NARS2: variants seen among roughly 807,000 people sequenced by gnomAD.
NARS2 encodes asparaginyl-tRNA synthetase 2, mitochondrial.
A neutral mutation model predicts 62.9 loss-of-function variants in NARS2; 60 were observed. The observed-to-expected ratio is 0.95, with a 90% CI of 0.77 to 1.18. NARS2 has a LOEUF of 1.18. Ranked by LOEUF, NARS2 falls within the 50% of genes most tolerant of loss-of-function variation. NARS2 has a pLI of 0.00. For synonymous variants in NARS2, 196 were observed against 200.0 expected (o/e 0.98, Z 0.17); for missense variants, 619 against 576.4 (o/e 1.07, Z -0.76).
intron 5 of NARS2, among the ~76,000 whole-genome samples, chr11:78,532,850 T>G (rs1005223949): frequency 1.3e-5 from 2 of 152,236 alleles, no homozygotes; most frequent in African/African-American, 4.8e-5. Context: ...CCAATCAAAC[T>G]GCTGTAACTC....
intron 9 of NARS2, among the ~76,000 whole-genome samples, chr11:78,477,195 TC>T (rs2135259418): frequency 6.6e-6 from 1 of 152,322 alleles, no homozygotes; most frequent in African/African-American, 2.4e-5. Flanking sequence ...ATTACTTCTT[TC>T]TTCATCTACT....
chr11:78,503,272 C>A (rs1860355307), intron 6 of NARS2, among the ~76,000 whole-genome samples: 1 of 152,182 alleles, frequency 6.6e-6, no homozygotes, highest in South Asian at 2.1e-4. Flanking sequence ...ACACTGAGCT[C>A]CTTCACCCAG....
Position 78,568,727 on chromosome 11 carries a change from C to T in NARS2, c.277G>A (p.Glu93Lys), listed in dbSNP as rs1446210809. ...CTTTTTATCAGCTGCCCTTGTACTT[C>T]CACAGAACTCCCAAAATTTAATTCT... ...SRELNFGSSVEVQGQLIKSPS... is the reference protein window; with the variant it reads ...SRELNFGSSVKVQGQLIKSPS... Residue 93 changes from glutamate to lysine, a missense_variant, in exon 3 of 14, where the codon GAA (glutamate) becomes AAA (lysine). Coordinates refer to ENST00000281038, the MANE Select transcript of NARS2 (RefSeq NM_024678.6). 1.9e-6 allele frequency: 3 copies of T among 1,609,134 alleles called. No individual in the cohort carries two copies. Among genetic ancestry groups the T allele is most frequent in the Non-Finnish European group, 2.5e-6 (3 of 1,176,632 alleles).
intron 12 of NARS2, 89 bp from the exon 13 acceptor site, chr11:78,441,206 C>A (rs1857568317): frequency 8.2e-7 from 1 of 1,215,010 alleles, no homozygotes; most frequent in African/African-American, 1.5e-5. Context: ...GTGCAAAGAA[C>A]TCTTTATGAA....
At chr11:78,446,544 A>T (rs903395185) in intron 11 of NARS2, among the ~76,000 whole-genome samples, 3 of 152,214 alleles carry the variant, frequency 2.0e-5, no homozygotes, top group Non-Finnish European at 4.4e-5. Context: ...TTCAATCCAG[A>T]GTGTTAAATT....
intron 6 of NARS2, among the ~76,000 whole-genome samples, chr11:78,524,674 C>T (rs938892921): frequency 1.3e-5 from 2 of 151,808 alleles, no homozygotes. Context: ...ACTCACTTAG[C>T]TTTCTCTAGT....
intron 6 of NARS2, among the ~76,000 whole-genome samples, chr11:78,524,412 A>T (rs563353737): frequency 7.8e-4 from 119 of 152,258 alleles, no homozygotes; most frequent in African/African-American, 2.8e-3. Context: ...AGAGAAAAGC[A>T]TCAGTTTTAA....
intron 6 of NARS2, among the ~76,000 whole-genome samples, chr11:78,516,528 T>C (rs555232452): frequency 6.6e-6 from 1 of 152,350 alleles, no homozygotes; most frequent in African/African-American, 2.4e-5. Flanking sequence ...TCTCGTTTAA[T>C]GCTCATCTTG....
chr11:78,563,851 A>AAT (rs1335259135), intron 4 of NARS2, among the ~76,000 whole-genome samples: 1,433 of 33,916 alleles, frequency 0.042, 75 homozygotes, highest in African/African-American at 0.062. Flanking sequence ...AAAAAAAAAA[A>AAT]ATATATATAT....
At chr11:78,552,281 T>G (rs1393743328) in intron 5 of NARS2, among the ~76,000 whole-genome samples, 2 of 152,250 alleles carry the variant, frequency 1.3e-5, no homozygotes, top group Non-Finnish European at 2.9e-5. Flanking sequence ...TTGCTAAGGA[T>G]GATAGCCTCC....
chr11:78,573,671 T>C (rs1362794372), intron 1 of NARS2: 39 of 152,308 alleles, frequency 2.6e-4, no homozygotes, highest in Admixed American at 2.6e-3. Flanking sequence ...GCAGCTAACA[T>C]TTGTAGACTA....
chr11:78,468,549 C>A (rs1489838370), intron 10 of NARS2, among the ~76,000 whole-genome samples: 1 of 150,746 alleles, frequency 6.6e-6, no homozygotes, highest in Non-Finnish European at 1.5e-5. Flanking sequence ...GGACTACAGG[C>A]GCCCGCCACC....
chr11:78,443,506 TAAAC>T (rs1390090833), intron 12 of NARS2, 151 bp downstream of exon 12: 10 of 461,432 alleles, frequency 2.2e-5, no homozygotes, highest in Non-Finnish European at 3.9e-5. Context: ...AGCTCAGAGA[TAAAC>T]TAACAACTTG....
At chr11:78,496,807 G>A (rs1263866387) in intron 6 of NARS2, among the ~76,000 whole-genome samples, 4 of 152,084 alleles carry the variant, frequency 2.6e-5, no homozygotes, top group Non-Finnish European at 5.9e-5. Flanking sequence ...ATCCTTATAG[G>A]AGTAGGGGTT....
At chr11:78,572,851 ATT>A (rs2135550667) in intron 1 of NARS2, among the ~76,000 whole-genome samples, 1 of 152,344 alleles carries the variant, frequency 6.6e-6, no homozygotes, top group African/African-American at 2.4e-5. Context: ...GATATTTTGC[ATT>A]CTTTTTGGTT....
At chr11:78,539,739 A>C (rs759574431) in intron 5 of NARS2, among the ~76,000 whole-genome samples, 5 of 152,186 alleles carry the variant, frequency 3.3e-5, no homozygotes, top group African/African-American at 4.8e-5. Flanking sequence ...ATACTTCAGG[A>C]GTCTGTAGAG....
intron 5 of NARS2, among the ~76,000 whole-genome samples, chr11:78,536,275 ATTACT>A (rs991001943): frequency 2.6e-5 from 4 of 152,204 alleles, no homozygotes; most frequent in African/African-American, 7.2e-5. Context: ...ACTTTTTATC[ATTACT>A]TTAGAGTGTA....
At chr11:78,501,891 T>C (rs775329183) in intron 6 of NARS2, among the ~76,000 whole-genome samples, 2 of 152,156 alleles carry the variant, frequency 1.3e-5, no homozygotes, top group Non-Finnish European at 2.9e-5. Flanking sequence ...TGTACATAAA[T>C]GTTCATAGTG....
Position 78,495,472 on chromosome 11 carries a change from A to G in NARS2, c.690-2277T>C, listed in dbSNP as rs567560228. 1.7e-4 allele frequency among the ~76,000 whole-genome samples: 26 copies of G among 152,312 alleles called. No individual in the cohort carries two copies. In the East Asian group the frequency reaches 3.7e-3, roughly 21 times the overall value. On this transcript the variant is annotated intron_variant, in intron 6 of 13. Coordinates refer to ENST00000281038, the MANE Select transcript of NARS2 (RefSeq NM_024678.6). ...TATAACACTTTTTCATATTTATTAT[A>G]TAGAACATATCACTTTGAAATGTAA...
Sources: gnomAD v4.1 joint callset for allele counts (sites outside exome capture counted in the v4.1 genomes callset) on GRCh38, gnomAD v4.1.1 for gene constraint, MANE v1.5 for transcripts, NCBI Gene and HGNC (gene_info 2026-07-23, HGNC 2026-07-21) for gene names.